TRPC4: variants seen among roughly 807,000 people sequenced by gnomAD.
The protein encoded by TRPC4 is transient receptor potential cation channel subfamily C member 4, also known as short transient receptor potential channel 4.
A neutral mutation model predicts 99.4 loss-of-function variants in TRPC4; 49 were observed. The ratio of observed to expected loss-of-function variants is 0.49; its 90% CI spans 0.39 to 0.63. The LOEUF is 0.63. Ranked by LOEUF, TRPC4 falls within the 20% of genes least tolerant of loss-of-function variation. The pLI is 0.00. For missense variants in TRPC4, 898 were observed against 1,152.9 expected, an observed-to-expected ratio of 0.78 and a Z score of 3.20; for synonymous variants, 454 against 425.9, an observed-to-expected ratio of 1.07 and a Z score of -0.81.
intron 8 of TRPC4, among the ~76,000 whole-genome samples, chr13:37,645,124 G>A (rs947063430): frequency 6.6e-6 from 1 of 151,946 alleles, no homozygotes; most frequent in Non-Finnish European, 1.5e-5. Context: ...CCTTGGCAAA[G>A]TAGCTTTCAA....
chr13:37,719,559 T>A (rs552395740), intron 3 of TRPC4, among the ~76,000 whole-genome samples: 1 of 152,248 alleles, frequency 6.6e-6, no homozygotes, highest in East Asian at 1.9e-4. Flanking sequence ...TTTTCTATTA[T>A]TTGAAAAATA....
chr13:37,668,296 G>A (rs1331159971), intron 5 of TRPC4, among the ~76,000 whole-genome samples: 1 of 152,104 alleles, frequency 6.6e-6, no homozygotes, highest in Non-Finnish European at 1.5e-5. Context: ...TTATTTTGCA[G>A]ACCTATATAA....
intron 1 of TRPC4, among the ~76,000 whole-genome samples, chr13:37,803,936 TA>T (rs1957467935): frequency 6.6e-6 from 1 of 152,062 alleles, no homozygotes. Context: ...TGTGAGGCAT[TA>T]AAAAGTCCCT....
At chr13:37,777,499 C>G (rs1273890565) in intron 2 of TRPC4, among the ~76,000 whole-genome samples, 1 of 151,874 alleles carries the variant, frequency 6.6e-6, no homozygotes, top group Non-Finnish European at 1.5e-5. Flanking sequence ...TCACTTTTCA[C>G]CAGCTCCCAC....
At chr13:37,678,384 A>T (rs1335079709) in intron 4 of TRPC4, among the ~76,000 whole-genome samples, 3 of 152,096 alleles carry the variant, frequency 2.0e-5, no homozygotes, top group Non-Finnish European at 1.5e-5. Context: ...TGATTAACAA[A>T]AAAAGATGAT....
At position 37,686,422 on chromosome 13, in the gene TRPC4, CGT is replaced by C. The variant is rs572026157; in HGVS notation, c.1234+5575_1234+5576del. Among the ~76,000 whole-genome samples, 1,302 of 148,946 alleles carry C rather than the reference CGT, an allele frequency of 8.7e-3. 21 individuals carry two copies. The highest frequency in any genetic ancestry group is 0.029 in the African/African-American group (1,185 of 40,728). On this transcript the variant is annotated intron_variant, in intron 4 of 10. Transcript: ENST00000379705. ...AAAACCATAACTGGTTATACGTATA[CGT>C]GTGTGTGTGTGTGTGTATACACACA...
At chr13:37,695,957 A>G (rs1953889191) in intron 3 of TRPC4, among the ~76,000 whole-genome samples, 1 of 152,208 alleles carries the variant, frequency 6.6e-6, no homozygotes, top group South Asian at 2.1e-4. Context: ...AACAAAACCA[A>G]ATAAACAAGA....
At chr13:37,663,352 T>A in intron 6 of TRPC4, 64 bp downstream of exon 6, 1 of 1,466,832 alleles carries the variant, frequency 6.8e-7, no homozygotes, top group Non-Finnish European at 9.1e-7. Flanking sequence ...GTTTTTCAAG[T>A]TTGTGATGTG....
At chr13:37,858,323 T>C (rs1399834854) in intron 1 of TRPC4, among the ~76,000 whole-genome samples, 1 of 151,746 alleles carries the variant, frequency 6.6e-6, no homozygotes, top group Non-Finnish European at 1.5e-5. Flanking sequence ...GGTGGGAATG[T>C]ACATTAATAC....
At chr13:37,655,306 C>G (rs1236165575) in intron 6 of TRPC4, 23 bp from the exon 7 acceptor site, 1 of 1,411,148 alleles carries the variant, frequency 7.1e-7, no homozygotes, top group Non-Finnish European at 9.4e-7. Context: ...TAAAATGATA[C>G]TAATAGCTAT....
At chr13:37,850,740 A>C (rs1476136289) in intron 1 of TRPC4, among the ~76,000 whole-genome samples, 2 of 152,210 alleles carry the variant, frequency 1.3e-5, no homozygotes, top group African/African-American at 4.8e-5. Context: ...AATAAATATG[A>C]AAATAAATTA....
chr13:37,862,823 C>CGT (rs374114947), intron 1 of TRPC4, among the ~76,000 whole-genome samples: 6 of 151,132 alleles, frequency 4.0e-5, no homozygotes, highest in South Asian at 4.2e-4. Flanking sequence ...AGTGTGTGCT[C>CGT]GTGTGTGTGT....
rs1951446883 is a variant in TRPC4 at position 37,633,892 on chromosome 13, T to C, written c.*3011A>G. Among the ~76,000 whole-genome samples, 1 of 152,092 alleles carries C rather than the reference T, an allele frequency of 6.6e-6. No individual in the cohort carries two copies. The highest frequency in any genetic ancestry group is 2.1e-4 in the South Asian group (1 of 4,838). On this transcript the variant is annotated 3_prime_UTR_variant, in exon 11 of 11. Transcript: ENST00000379705. ...CTTACTGAAGTTAATATAGATTTAT[T>C]TGCACAGAAATTTTAAGGAAAACCT...
intron 3 of TRPC4, among the ~76,000 whole-genome samples, chr13:37,745,618 G>C (rs1363947935): frequency 6.7e-6 from 1 of 149,664 alleles, no homozygotes; most frequent in Non-Finnish European, 1.5e-5. Context: ...ATCTATCTGT[G>C]ACCCCCTAAA....
At chr13:37,735,544 A>G (rs1161945004) in intron 3 of TRPC4, among the ~76,000 whole-genome samples, 1 of 152,192 alleles carries the variant, frequency 6.6e-6, no homozygotes, top group Non-Finnish European at 1.5e-5. Context: ...CATCATTGAC[A>G]AACTACATGA....
At chr13:37,847,796 TGAAGTCCACAAATATATAC>T (rs1210284150) in intron 1 of TRPC4, among the ~76,000 whole-genome samples, 1 of 152,112 alleles carries the variant, frequency 6.6e-6, no homozygotes, top group African/African-American at 2.4e-5. Context: ...GTGGACCTTA[TGAAGTCCACAAATATATAC>T]AGTGGACTCA....
intron 1 of TRPC4, among the ~76,000 whole-genome samples, chr13:37,850,648 C>G (rs1350908659): frequency 6.6e-6 from 1 of 152,022 alleles, no homozygotes; most frequent in African/African-American, 2.4e-5. Context: ...AAAAGAAGAG[C>G]TTATGCTTTT....
Position 37,636,967 on chromosome 13 carries a change from A to G in TRPC4, c.2870T>C (p.Ile957Thr). 7 of 1,613,654 alleles carry G rather than the reference A, an allele frequency of 4.3e-6. No individual in the cohort carries two copies. Among genetic ancestry groups the G allele is most frequent in the African/African-American group, 1.3e-5 (1 of 75,002 alleles). Residue 957 changes from isoleucine (I) to threonine (T), a missense_variant, in exon 11 of 11, where the codon ATA becomes ACA. By Grantham distance (89) the Ile-to-Thr change is moderately conservative (BLOSUM62 -1). Around this residue, in one of 3 missense-constraint regions of TRPC4, gnomAD observed 346 missense variants for 351.4 expected, o/e 0.98. Transcript: ENST00000379705. ...EKHAKEEDSS[I>T]DYDLNLPDTV... Reference sequence around the variant, plus strand: ...GTCTGGGAGGTTTAGATCATAGTCTATACTAGAGTCCTCTTCTTTTGCATG... The same window carrying G: ...GTCTGGGAGGTTTAGATCATAGTCTGTACTAGAGTCCTCTTCTTTTGCATG...
intron 2 of TRPC4, among the ~76,000 whole-genome samples, chr13:37,772,332 A>C (rs542759213): frequency 1.5e-4 from 22 of 151,712 alleles, no homozygotes; most frequent in Non-Finnish European, 2.1e-4. Context: ...AGTTGGGGGA[A>C]AGCATGCCCA....
Sources: allele counts gnomAD v4.1 joint callset (sites outside exome capture counted in the v4.1 genomes callset), GRCh38; gene constraint gnomAD v4.1.1; regional missense constraint gnomAD v4.1.1; transcripts MANE v1.5; gene names NCBI Gene and HGNC (gene_info 2026-07-23, HGNC 2026-07-21).